Variants in CORIN observed in about 807,000 individuals in gnomAD.
CORIN encodes corin, serine peptidase, also known as atrial natriuretic peptide-converting enzyme.
Under a neutral mutation model 125.3 loss-of-function variants are expected in CORIN, and 117 were observed. The ratio of observed to expected loss-of-function variants is 0.93; its 90% CI spans 0.80 to 1.09. The LOEUF (loss-of-function observed/expected upper bound fraction) is 1.09. Ranked by LOEUF, CORIN falls within the 50% of genes least tolerant of loss-of-function variation. CORIN has a pLI of 0.00. For missense variants in CORIN, 1,253 were observed against 1,306.7 expected (o/e 0.96, Z 0.63); for synonymous variants, 450 against 466.4 (o/e 0.96, Z 0.45).
chr4:47,664,595 C>G (rs1031442861), intron 11 of CORIN, among the ~76,000 whole-genome samples: 1 of 152,170 alleles, frequency 6.6e-6, no homozygotes, highest in African/African-American at 2.4e-5. Flanking sequence ...CAATGTCCAT[C>G]GCTGTCCAAT....
chr4:47,606,785 G>A (rs910621500), intron 19 of CORIN, among the ~76,000 whole-genome samples: 7 of 129,686 alleles, frequency 5.4e-5, no homozygotes, highest in African/African-American at 1.5e-4. Context: ...TCTTTCTCTC[G>A]TTCCTTCCTT....
chr4:47,659,607 G>T (rs1724154717), intron 12 of CORIN, among the ~76,000 whole-genome samples: 1 of 152,108 alleles, frequency 6.6e-6, no homozygotes, highest in South Asian at 2.1e-4. Flanking sequence ...TAAATGACCA[G>T]ATGTCATGTG....
chr4:47,763,273 T>C, intron 4 of CORIN, 106 bp downstream of exon 4: 1 of 811,022 alleles, frequency 1.2e-6, no homozygotes, highest in South Asian at 1.7e-5. Flanking sequence ...CTAATGTGGC[T>C]AATAACAACC....
At chr4:47,632,750 GATA>G (rs1722874693) in intron 16 of CORIN, among the ~76,000 whole-genome samples, 1 of 118,426 alleles carries the variant, frequency 8.4e-6, no homozygotes, top group African/African-American at 3.2e-5. Flanking sequence ...TAGATAGATA[GATA>G]GATAGATAGA....
intron 10 of CORIN, 21 bp downstream of exon 10, chr4:47,674,372 T>A (rs749419373): frequency 7.7e-5 from 115 of 1,494,496 alleles, no homozygotes; most frequent in Non-Finnish European, 1.0e-4. Flanking sequence ...GGCTATTGCA[T>A]TTGTCAGCTG....
intron 2 of CORIN, among the ~76,000 whole-genome samples, chr4:47,803,891 G>A (rs1338555337): frequency 6.6e-6 from 1 of 152,098 alleles, no homozygotes; most frequent in African/African-American, 2.4e-5. Context: ...GCACAGCAAA[G>A]GAAACAGTCA....
intron 3 of CORIN, among the ~76,000 whole-genome samples, chr4:47,783,952 ATAAGAT>A (rs998852047): frequency 2.6e-5 from 4 of 152,170 alleles, no homozygotes; most frequent in African/African-American, 9.6e-5. Flanking sequence ...AAAGAAAACA[ATAAGAT>A]TAAATGATGA....
chr4:47,690,060 A>G (rs1725700584), intron 6 of CORIN, among the ~76,000 whole-genome samples: 1 of 152,228 alleles, frequency 6.6e-6, no homozygotes, highest in African/African-American at 2.4e-5. Flanking sequence ...GAAGAGATTG[A>G]CAAGACAAAA....
chr4:47,729,572 A>G (rs1727763706), intron 5 of CORIN, among the ~76,000 whole-genome samples: 1 of 152,168 alleles, frequency 6.6e-6, no homozygotes, highest in Non-Finnish European at 1.5e-5. Flanking sequence ...GTAGAGTGGG[A>G]TGTCTATGTT....
intron 3 of CORIN, among the ~76,000 whole-genome samples, chr4:47,777,397 C>G (rs1730346862): frequency 6.6e-6 from 1 of 152,132 alleles, no homozygotes; most frequent in Admixed American, 6.5e-5. Context: ...CTTTGGGAGG[C>G]CGAGGCAGGC....
At chr4:47,802,005 G>A (rs890659334) in intron 2 of CORIN, among the ~76,000 whole-genome samples, 2 of 152,172 alleles carry the variant, frequency 1.3e-5, no homozygotes, top group African/African-American at 4.8e-5. Context: ...CTTGGTAAAG[G>A]GAGAGCACAG....
intron 2 of CORIN, among the ~76,000 whole-genome samples, chr4:47,805,145 A>AAG: frequency 6.9e-6 from 1 of 144,234 alleles, no homozygotes; most frequent in East Asian, 2.0e-4. Context: ...CAAAAAAAAA[A>AAG]AAAAATAATA....
rs146410892 is a variant in CORIN at position 47,697,940 on chromosome 4, C to T, written c.800-4857G>A. ...CATGAGGAACTGGAGATATAACACA[C>T]GCCTTCCTCCATCTGCAAGGCTTGT... On this transcript the variant is annotated intron_variant, in intron 5 of 21. Coordinates refer to ENST00000273857, the MANE Select transcript of CORIN (RefSeq NM_006587.4). 1.4e-3 allele frequency among the ~76,000 whole-genome samples: 215 copies of T among 152,000 alleles called. 1 individual carries two copies. Among genetic ancestry groups the T allele is most frequent in the South Asian group, 0.011 (51 of 4,808 alleles).
chr4:47,600,985 G>A (rs1006624351), intron 20 of CORIN, among the ~76,000 whole-genome samples: 4 of 152,188 alleles, frequency 2.6e-5, no homozygotes, highest in Non-Finnish European at 5.9e-5. Flanking sequence ...ATTTCTTGAA[G>A]CAAGACAGCA....
chr4:47,680,253 T>A lies in CORIN; in HGVS notation c.1022-2A>T. On this transcript the variant is annotated splice_acceptor_variant, in intron 7 of 21. Transcript: ENST00000273857. LOFTEE classifies it high-confidence loss of function. Reference sequence around the variant, plus strand: ...GATGCTCTGTTGTGGGATTGCAATCTGGAGAAATGAAAACTCACGAGGATG... The same window carrying A: ...GATGCTCTGTTGTGGGATTGCAATCAGGAGAAATGAAAACTCACGAGGATG... 1 of 1,610,508 alleles carries A rather than the reference T, an allele frequency of 6.2e-7. No homozygotes were observed. Among genetic ancestry groups the A allele is most frequent in the Non-Finnish European group, 8.5e-7 (1 of 1,176,952 alleles).
chr4:47,801,726 A>G (rs1180787326), intron 2 of CORIN, among the ~76,000 whole-genome samples: 1 of 152,212 alleles, frequency 6.6e-6, no homozygotes, highest in East Asian at 1.9e-4. Flanking sequence ...CCAAAGGGTA[A>G]TTGCCCATCC....
At chr4:47,833,121 G>GAA (rs140370181) in intron 1 of CORIN, among the ~76,000 whole-genome samples, 22 of 145,716 alleles carry the variant, frequency 1.5e-4, no homozygotes, top group Non-Finnish European at 2.4e-4. Context: ...TTACGAGCAA[G>GAA]AAAAAAAAAA....
At chr4:47,645,757 G>A (rs559384497) in intron 13 of CORIN, among the ~76,000 whole-genome samples, 24 of 152,000 alleles carry the variant, frequency 1.6e-4, no homozygotes, top group South Asian at 1.0e-3. Flanking sequence ...AAGGTAGTGC[G>A]TGCCTGTAAT....
At chr4:47,739,869 A>G (rs1327348775) in intron 5 of CORIN, among the ~76,000 whole-genome samples, 1 of 151,918 alleles carries the variant, frequency 6.6e-6, no homozygotes, top group East Asian at 1.9e-4. Flanking sequence ...ATTCATCTGA[A>G]CTAGACTGTT....
Sources: gnomAD v4.1 joint callset for allele counts (sites outside exome capture counted in the v4.1 genomes callset) on GRCh38, gnomAD v4.1.1 for gene constraint, MANE v1.5 for transcripts, NCBI Gene and HGNC (gene_info 2026-07-23, HGNC 2026-07-21) for gene names.